KCNB2: variants seen among roughly 807,000 people sequenced by gnomAD.
KCNB2 encodes potassium voltage-gated channel subfamily B member 2.
KCNB2 carries 15 observed loss-of-function variants against 61.5 expected under a neutral mutation model. That is an observed-to-expected ratio of 0.24 (90% CI 0.16 to 0.38). KCNB2 has a LOEUF of 0.38. Ranked by LOEUF, KCNB2 falls within the 10% of genes least tolerant of loss-of-function variation. The probability of loss-of-function intolerance (pLI) is 1.00; values close to 1 mark genes in which losing one functional copy is unlikely to be tolerated. For synonymous variants in KCNB2, 457 were observed against 446.0 expected (o/e 1.02, Z -0.31); for missense variants, 828 against 1,125.2 (o/e 0.74, Z 3.78).
chr8:72,897,020 A>G (rs528818942), intron 2 of KCNB2, among the ~76,000 whole-genome samples: 34 of 152,286 alleles, frequency 2.2e-4, no homozygotes, highest in South Asian at 6.2e-4. Flanking sequence ...TTGCAAATGC[A>G]TAGACTTATG....
rs1009795481 is a variant in KCNB2 at position 72,936,768 on chromosome 8, G to T, written c.1413G>T (p.Lys471Asn). 1.2e-6 allele frequency: 2 copies of T among 1,614,194 alleles called. No individual in the cohort carries two copies. The highest frequency in any genetic ancestry group is 1.7e-6 in the Non-Finnish European group (2 of 1,180,026). The change falls in exon 3 of 3, where the codon AAG (lysine) becomes AAT (asparagine). Residue 471 changes from lysine to asparagine, a missense_variant. Physicochemically the swap from Lys to Asn is moderately conservative, Grantham distance 94. Around this residue, in one of 4 missense-constraint regions of KCNB2, gnomAD observed 559 missense variants for 588.4 expected, o/e 0.95. Coordinates refer to ENST00000523207, the MANE Select transcript of KCNB2 (RefSeq NM_004770.3). The surrounding 1 kb of genome is among the most constrained non-coding windows in gnomAD (Gnocchi z 5.6). Reference sequence around the variant, plus strand: ...AACTGATAGATGTGGCTGTTGAGAAGGCCGGAGAGTCCGCCAACACAAAGG... The same window carrying T: ...AACTGATAGATGTGGCTGTTGAGAATGCCGGAGAGTCCGCCAACACAAAGG... ...SMELIDVAVEKAGESANTKDS... is the reference protein window; with the variant it reads ...SMELIDVAVENAGESANTKDS...
chr8:72,702,286 C>T lies in KCNB2; in HGVS notation c.579+133973C>T, dbSNP rs144933495. Among the ~76,000 whole-genome samples, 320 of 152,236 alleles carry T rather than the reference C, an allele frequency of 2.1e-3. 3 individuals carry two copies. The highest frequency in any genetic ancestry group is 7.2e-3 in the African/African-American group (301 of 41,546). Reference sequence around the variant, plus strand: ...TCATTTCCAGCGAACTCAGTTTCTTCCCTACCCTCCGCTTGTCATTTTCCA... The same window carrying T: ...TCATTTCCAGCGAACTCAGTTTCTTTCCTACCCTCCGCTTGTCATTTTCCA... On this transcript the variant is annotated intron_variant, in intron 2 of 2. Coordinates refer to ENST00000523207, the MANE Select transcript of KCNB2 (RefSeq NM_004770.3).
chr8:72,828,164 A>G (rs1410470587), intron 2 of KCNB2, among the ~76,000 whole-genome samples: 1 of 152,202 alleles, frequency 6.6e-6, no homozygotes, highest in African/African-American at 2.4e-5. Flanking sequence ...TTAAGTATTA[A>G]TAATCAAAAA....
intron 2 of KCNB2, among the ~76,000 whole-genome samples, chr8:72,695,541 A>T (rs1807004760): frequency 6.6e-6 from 1 of 152,184 alleles, no homozygotes; most frequent in African/African-American, 2.4e-5. Context: ...ATCTAACAAA[A>T]TGTGCATTTA....
intron 2 of KCNB2, among the ~76,000 whole-genome samples, chr8:72,866,802 G>T (rs548288793): frequency 6.6e-6 from 1 of 152,228 alleles, no homozygotes; most frequent in African/African-American, 2.4e-5. Context: ...AGCACAGGAA[G>T]GTAGGTATTT....
intron 2 of KCNB2, among the ~76,000 whole-genome samples, chr8:72,884,295 T>C (rs544946384): frequency 6.6e-6 from 1 of 152,272 alleles, no homozygotes; most frequent in East Asian, 1.9e-4. Flanking sequence ...CTTGTAAGCA[T>C]GCTTTTTAAT....
chr8:72,839,510 A>C (rs896854125), intron 2 of KCNB2, among the ~76,000 whole-genome samples: 2 of 151,840 alleles, frequency 1.3e-5, no homozygotes, highest in Non-Finnish European at 2.9e-5. Flanking sequence ...TAATTCCTAC[A>C]GGTGCTATAG....
chr8:72,801,877 C>T (rs1417408409), intron 2 of KCNB2, among the ~76,000 whole-genome samples: 2 of 151,800 alleles, frequency 1.3e-5, no homozygotes, highest in Non-Finnish European at 2.9e-5. Context: ...CCCTCATTTT[C>T]AATTTTACAC....
At chr8:72,870,681 T>A (rs1002197970) in intron 2 of KCNB2, among the ~76,000 whole-genome samples, 2 of 152,214 alleles carry the variant, frequency 1.3e-5, no homozygotes, top group African/African-American at 4.8e-5. Context: ...TTAAGTGAGG[T>A]AATGTATACA....
At chr8:72,754,335 C>G (rs1485209374) in intron 2 of KCNB2, among the ~76,000 whole-genome samples, 1 of 152,176 alleles carries the variant, frequency 6.6e-6, no homozygotes, top group East Asian at 1.9e-4. Flanking sequence ...AGGTCTAACT[C>G]AAGACATGCA....
At chr8:72,907,975 CA>C (rs750330913) in intron 2 of KCNB2, among the ~76,000 whole-genome samples, 13 of 152,174 alleles carry the variant, frequency 8.5e-5, no homozygotes, top group Non-Finnish European at 1.9e-4. Flanking sequence ...TCCACTTGAA[CA>C]AAGACCATTT....
At chr8:72,654,249 T>C (rs1806256482) in intron 2 of KCNB2, among the ~76,000 whole-genome samples, 1 of 152,200 alleles carries the variant, frequency 6.6e-6, no homozygotes. Flanking sequence ...TAAACCTAGA[T>C]ACCTCACTGG....
At chr8:72,707,134 G>A (rs1807240315) in intron 2 of KCNB2, among the ~76,000 whole-genome samples, 1 of 152,212 alleles carries the variant, frequency 6.6e-6, no homozygotes, top group Non-Finnish European at 1.5e-5. Flanking sequence ...AACCATCCCA[G>A]AGAGGTAAGA....
Position 72,936,295 on chromosome 8 carries a change from C to A in KCNB2, c.940C>A (p.Leu314Ile). 6.2e-7 allele frequency: 1 copy of A among 1,614,246 alleles called. No homozygotes were observed. Among genetic ancestry groups the A allele is most frequent in the South Asian group, 1.1e-5 (1 of 91,084 alleles). The change falls in exon 3 of 3, where the codon CTC becomes ATC. Residue 314 changes from leucine (L) to isoleucine (I), a missense_variant. Physicochemically the swap from Leu to Ile is conservative, Grantham distance 5. Transcript: ENST00000523207. This position sits in a 1 kb window ranked among gnomAD's most constrained non-coding sequence, Gnocchi z 5.6. ...CATGCGCATCCTCAGGATCCTGAAA[C>A]TCGCCAGGCATTCGACAGGCCTGCA... ...RIMRILRILK[L>I]ARHSTGLQSL...
chr8:72,570,351 A>G (rs1806689738), intron 2 of KCNB2, among the ~76,000 whole-genome samples: 1 of 152,184 alleles, frequency 6.6e-6, no homozygotes, highest in Non-Finnish European at 1.5e-5. Context: ...TTGATTCTTT[A>G]CTAAATTTCC....
At chr8:72,816,219 T>A (rs1809394139) in intron 2 of KCNB2, among the ~76,000 whole-genome samples, 1 of 152,128 alleles carries the variant, frequency 6.6e-6, no homozygotes, top group Non-Finnish European at 1.5e-5. Context: ...ATAGTAATGC[T>A]CATCACCATG....
In KCNB2 at chr8:72,725,591, G is replaced by GTATATATATATATA. The variant is rs60157669; in HGVS notation, c.579+157296_579+157309dup. ...TATATATATGTATATATATATGTATGTATATATATATATATATATATATAT... is the reference window on the plus strand; with the variant it reads ...TATATATATGTATATATATATGTATGTATATATATATATATATATATATATATATATATATATAT... On this transcript the variant is annotated intron_variant, in intron 2 of 2. Coordinates refer to ENST00000523207, the MANE Select transcript of KCNB2 (RefSeq NM_004770.3). Among the ~76,000 whole-genome samples the GTATATATATATATA allele has an allele frequency of 1.3e-4, 7 of 51,952 alleles. No individual in the cohort carries two copies. In the South Asian group the frequency reaches 3.7e-3, roughly 27 times the overall value. 34.1% of individuals were successfully genotyped at this position (51,952 alleles called of 152,430 possible). A position where few individuals can be genotyped will look rare whatever the true frequency, so the allele number is the denominator to read the frequency against.
At chr8:72,780,832 C>G (rs1808741029) in intron 2 of KCNB2, among the ~76,000 whole-genome samples, 1 of 152,110 alleles carries the variant, frequency 6.6e-6, no homozygotes. Flanking sequence ...AATTTACATT[C>G]CTACCAACAG....
chr8:72,936,003 G>A lies in KCNB2; in HGVS notation c.648G>A (p.Pro216=), dbSNP rs535772866. 100 of 1,614,122 alleles carry A rather than the reference G, an allele frequency of 6.2e-5. No individual in the cohort carries two copies. The highest frequency in any genetic ancestry group is 6.9e-5 in the Non-Finnish European group (82 of 1,180,016). The change falls in exon 3 of 3, where the codon CCG becomes CCA. Residue 216 remains proline, a synonymous_variant. Transcript: ENST00000523207. This position sits in a 1 kb window ranked among gnomAD's most constrained non-coding sequence, Gnocchi z 5.6. ...STIALSLNTL[P]ELQETDEFGQ... ...TTGCTTTGTCTCTCAATACGCTGCCGGAGCTGCAGGAAACGGACGAATTTG... is the reference window on the plus strand; with the variant it reads ...TTGCTTTGTCTCTCAATACGCTGCCAGAGCTGCAGGAAACGGACGAATTTG...
Sources: gnomAD v4.1 joint callset for allele counts (sites outside exome capture counted in the v4.1 genomes callset) on GRCh38, gnomAD v4.1.1 for gene constraint, gnomAD v4.1.1 regional missense constraint, Gnocchi (gnomAD v3.1) non-coding constraint, MANE v1.5 for transcripts, NCBI Gene and HGNC (gene_info 2026-07-23, HGNC 2026-07-21) for gene names.